Variants in PCCA observed in about 807,000 individuals in gnomAD.
PCCA encodes the protein propionyl-CoA carboxylase alpha chain, mitochondrial.
A neutral mutation model predicts 101.3 loss-of-function variants in PCCA; 74 were observed. The ratio of observed to expected loss-of-function variants is 0.73; its 90% CI spans 0.61 to 0.89. PCCA has a LOEUF of 0.89. Ranked by LOEUF, PCCA falls within the 40% of genes least tolerant of loss-of-function variation. PCCA has a pLI of 0.00. For synonymous variants in PCCA, 294 were observed against 313.6 expected (o/e 0.94, Z 0.66); for missense variants, 891 against 907.0 (o/e 0.98, Z 0.23).
chr13:100,162,110 GTC>G (rs775031718), intron 6 of PCCA, among the ~76,000 whole-genome samples: 1,872 of 148,654 alleles, frequency 0.013, 14 homozygotes, highest in Non-Finnish European at 0.021. Context: ...GTGTGTGTGT[GTC>G]TGTCTGTCTG....
At chr13:100,406,293 G>A (rs913551790) in intron 19 of PCCA, among the ~76,000 whole-genome samples, 2 of 152,054 alleles carry the variant, frequency 1.3e-5, no homozygotes, top group Non-Finnish European at 2.9e-5. Flanking sequence ...TTTGTCATAA[G>A]TTAAGAACAC....
chr13:100,090,773 A>C lies in PCCA; in HGVS notation c.105+1548A>C, dbSNP rs568934574. Among the ~76,000 whole-genome samples, 6 of 152,340 alleles carry C rather than the reference A, an allele frequency of 3.9e-5. No individual in the cohort carries two copies. The South Asian group carries it at 1.2e-3, about 32-fold the overall frequency. ...CTTGAACTAATTTATTCAATCTCACAACAGTCGTATGTCCCCCATTTACAG... is the reference window on the plus strand; with the variant it reads ...CTTGAACTAATTTATTCAATCTCACCACAGTCGTATGTCCCCCATTTACAG... On this transcript the variant is annotated intron_variant, in intron 1 of 23. Transcript: ENST00000376285.
At chr13:100,154,203 C>T (rs2053643157) in intron 4 of PCCA, among the ~76,000 whole-genome samples, 1 of 152,178 alleles carries the variant, frequency 6.6e-6, no homozygotes, top group South Asian at 2.1e-4. Flanking sequence ...GTAATCCTTT[C>T]ATCAGTTAAA....
At chr13:100,332,912 G>A (rs1290900323) in intron 17 of PCCA, among the ~76,000 whole-genome samples, 1 of 152,164 alleles carries the variant, frequency 6.6e-6, no homozygotes, top group Non-Finnish European at 1.5e-5. Context: ...TATCAGTAAA[G>A]CTAAATGACC....
rs375853398 is a variant in PCCA, at chr13:100,383,837, G to A, written c.1746+15263G>A. ...AGAATATGGTGATGAACTAAGAATA[G>A]AAAATAATAACTACATATGGATGCA... On this transcript the variant is annotated intron_variant, in intron 19 of 23. Coordinates refer to ENST00000376285, the MANE Select transcript of PCCA (RefSeq NM_000282.4). 1.1e-3 allele frequency among the ~76,000 whole-genome samples: 165 copies of A among 152,176 alleles called. 6 individuals are homozygous for A. The South Asian group carries it at 0.031, about 29-fold the overall frequency.
intron 9 of PCCA, among the ~76,000 whole-genome samples, chr13:100,259,524 G>T (rs980997531): frequency 6.6e-6 from 1 of 151,550 alleles, no homozygotes; most frequent in African/African-American, 2.4e-5. Context: ...TAGTAGAGAC[G>T]GGGTTTCACC....
At chr13:100,134,285 A>T (rs2050878042) in intron 4 of PCCA, among the ~76,000 whole-genome samples, 1 of 152,138 alleles carries the variant, frequency 6.6e-6, no homozygotes, top group Non-Finnish European at 1.5e-5. Context: ...TTCCCTTGTC[A>T]GTACTACATA....
At chr13:100,353,426 C>A (rs2073529181) in intron 18 of PCCA, among the ~76,000 whole-genome samples, 1 of 152,134 alleles carries the variant, frequency 6.6e-6, no homozygotes, top group Non-Finnish European at 1.5e-5. Context: ...TGAAATCATC[C>A]AAAGTATGTT....
At chr13:100,118,580 C>G (rs1221084224) in intron 4 of PCCA, among the ~76,000 whole-genome samples, 1 of 152,010 alleles carries the variant, frequency 6.6e-6, no homozygotes, top group African/African-American at 2.4e-5. Context: ...GACAGAGTCT[C>G]TCTCAGTTGC....
chr13:100,459,887 G>T (rs538737924), intron 21 of PCCA, among the ~76,000 whole-genome samples: 2 of 152,304 alleles, frequency 1.3e-5, no homozygotes, highest in South Asian at 4.1e-4. Context: ...CTATTCTCCC[G>T]TAGCAGAGAG....
chr13:100,374,006 A>C (rs1315757063), intron 19 of PCCA, among the ~76,000 whole-genome samples: 1 of 151,976 alleles, frequency 6.6e-6, no homozygotes, highest in East Asian at 1.9e-4. Flanking sequence ...CAGCTACTTG[A>C]GAGGCTGAGG....
At chr13:100,435,431 AT>A (rs2079859479) in intron 20 of PCCA, among the ~76,000 whole-genome samples, 1 of 152,216 alleles carries the variant, frequency 6.6e-6, no homozygotes, top group Non-Finnish European at 1.5e-5. Flanking sequence ...ATTAAGGAGC[AT>A]TTAACTTCTT....
chr13:100,221,950 T>G (rs1191340378), intron 7 of PCCA, among the ~76,000 whole-genome samples: 1 of 152,108 alleles, frequency 6.6e-6, no homozygotes, highest in Non-Finnish European at 1.5e-5. Flanking sequence ...TTGGCCAGGC[T>G]GGTCTCAAAC....
At chr13:100,491,414 A>C in intron 21 of PCCA, 1 of 189,622 alleles carries the variant, frequency 5.3e-6, no homozygotes, top group Non-Finnish European at 1.1e-5. Context: ...TTTAAAAAGC[A>C]GACAGCTATT....
intron 22 of PCCA, among the ~76,000 whole-genome samples, chr13:100,526,316 C>T (rs1028623451): frequency 6.6e-6 from 1 of 152,218 alleles, no homozygotes; most frequent in Admixed American, 6.5e-5. Flanking sequence ...TCAAAAAGGG[C>T]AGCGCGGGCA....
At chr13:100,117,218 T>C (rs2048875067) in intron 4 of PCCA, among the ~76,000 whole-genome samples, 1 of 152,194 alleles carries the variant, frequency 6.6e-6, no homozygotes. Context: ...TGAGTACTTT[T>C]TTGTGTTATT....
At chr13:100,446,032 CTTTCT>C (rs750033446) in intron 20 of PCCA, among the ~76,000 whole-genome samples, 9 of 151,780 alleles carry the variant, frequency 5.9e-5, no homozygotes, top group Non-Finnish European at 1.2e-4. Flanking sequence ...TGTTTTTTTT[CTTTCT>C]TTTCTTTTCT....
Position 100,303,017 on chromosome 13 carries a change from A to G in PCCA, c.1284+19A>G, listed in dbSNP as rs2066182757. The G allele has an allele frequency of 2.2e-6, 3 of 1,383,066 alleles. No individual in the cohort carries two copies. The highest frequency in any genetic ancestry group is 1.8e-4 in the Middle Eastern group (1 of 5,664). The allele number at this position is 1,383,066 out of a possible 1,614,324, so 85.7% of individuals were successfully genotyped here. On this transcript the variant is annotated intron_variant, in intron 14 of 23. Transcript: ENST00000376285. Reference sequence around the variant, plus strand: ...ACCTGGTGTAAGTCATTAAGCTGTAATACCAGCTGAAGGGTTAAAATCGTG... The same window carrying G: ...ACCTGGTGTAAGTCATTAAGCTGTAGTACCAGCTGAAGGGTTAAAATCGTG...
chr13:100,274,140 C>G (rs2063487250), intron 12 of PCCA, among the ~76,000 whole-genome samples: 1 of 152,194 alleles, frequency 6.6e-6, no homozygotes, highest in South Asian at 2.1e-4. Flanking sequence ...AGAGCTGTCT[C>G]CTATCTGACT....
Sources: allele counts gnomAD v4.1 joint callset (sites outside exome capture counted in the v4.1 genomes callset), GRCh38; gene constraint gnomAD v4.1.1; transcripts MANE v1.5; gene names NCBI Gene and HGNC (gene_info 2026-07-23, HGNC 2026-07-21).